MNAT1: variants seen among roughly 807,000 people sequenced by gnomAD.
MNAT1 encodes CDK-activating kinase assembly factor MAT1.
MNAT1 carries 43 observed loss-of-function variants against 42.0 expected under a neutral mutation model. The observed-to-expected ratio is 1.02, with a 90% confidence interval of 0.80 to 1.32. The LOEUF (loss-of-function observed/expected upper bound fraction) is 1.32. Among genes scored for constraint, MNAT1 ranks in the 40% most tolerant of loss-of-function variants. The pLI is 0.00. For synonymous variants in MNAT1, 118 were observed against 120.0 expected, an observed-to-expected ratio of 0.98 and a Z score of 0.11; for missense variants, 306 against 350.4, an observed-to-expected ratio of 0.87 and a Z score of 1.01.
At chr14:60,805,322 A>T (rs953473574) in intron 3 of MNAT1, among the ~76,000 whole-genome samples, 2 of 152,054 alleles carry the variant, frequency 1.3e-5, no homozygotes, top group Admixed American at 6.6e-5. Flanking sequence ...TTCCCTCTAC[A>T]TGTGCACAGT....
chr14:60,876,035 A>G (rs907099276), intron 6 of MNAT1, among the ~76,000 whole-genome samples: 4 of 148,390 alleles, frequency 2.7e-5, no homozygotes, highest in African/African-American at 7.3e-5. Context: ...TTTTACCCCC[A>G]TAGCTAAAAC....
chr14:60,959,215 C>G (rs1011169824), intron 7 of MNAT1, among the ~76,000 whole-genome samples: 1 of 152,226 alleles, frequency 6.6e-6, no homozygotes. Flanking sequence ...GCAGAGCAAG[C>G]TGCCGTGGTC....
At chr14:60,961,021 G>T (rs1345375183) in intron 7 of MNAT1, among the ~76,000 whole-genome samples, 2 of 151,802 alleles carry the variant, frequency 1.3e-5, no homozygotes, top group Non-Finnish European at 1.5e-5. Flanking sequence ...GGAGTGCAAT[G>T]GTGCGATCTC....
At chr14:60,924,174 T>TA (rs1299708121) in intron 7 of MNAT1, among the ~76,000 whole-genome samples, 1 of 152,172 alleles carries the variant, frequency 6.6e-6, no homozygotes, top group East Asian at 1.9e-4. Flanking sequence ...TGTTTGTAAA[T>TA]AAAAAACATT....
At chr14:60,907,285 T>C (rs951348788) in intron 7 of MNAT1, among the ~76,000 whole-genome samples, 2 of 151,712 alleles carry the variant, frequency 1.3e-5, no homozygotes, top group African/African-American at 4.8e-5. Flanking sequence ...ATACAAAAAT[T>C]AGCCGGGTGT....
At chr14:60,861,722 C>T (rs2034099868) in intron 6 of MNAT1, among the ~76,000 whole-genome samples, 1 of 152,122 alleles carries the variant, frequency 6.6e-6, no homozygotes, top group South Asian at 2.1e-4. Flanking sequence ...CTAGTTTGAA[C>T]CTGACTTTCA....
intron 1 of MNAT1, among the ~76,000 whole-genome samples, chr14:60,762,705 C>CAAAAA (rs33957783): frequency 1.1e-4 from 10 of 94,668 alleles, no homozygotes; most frequent in Non-Finnish European, 1.3e-4. Flanking sequence ...GACTCTGTCT[C>CAAAAA]AAAAAAAAAA....
intron 6 of MNAT1, among the ~76,000 whole-genome samples, chr14:60,822,752 A>G (rs1315270104): frequency 2.0e-5 from 3 of 151,656 alleles, no homozygotes. Context: ...GCGGGAGCCT[A>G]CTTTATTTTT....
intron 7 of MNAT1, among the ~76,000 whole-genome samples, chr14:60,938,651 T>G (rs2036065302): frequency 6.6e-6 from 1 of 152,218 alleles, no homozygotes. Flanking sequence ...TTTTTGAGAA[T>G]TTTTGTATCA....
intron 1 of MNAT1, among the ~76,000 whole-genome samples, chr14:60,738,695 C>G (rs1896380402): frequency 6.6e-6 from 1 of 152,120 alleles, no homozygotes; most frequent in Non-Finnish European, 1.5e-5. Flanking sequence ...GCCACTACCT[C>G]TGGCTAATTT....
chr14:60,887,387 C>G lies in MNAT1; in HGVS notation c.809+7552C>G, dbSNP rs181815809. 4.8e-3 allele frequency among the ~76,000 whole-genome samples: 526 copies of G among 108,838 alleles called. 2 individuals carry two copies. Among genetic ancestry groups the G allele is most frequent in the African/African-American group, 0.016 (466 of 28,916 alleles). 71.4% of individuals were successfully genotyped at this position (108,838 alleles called of 152,430 possible). On this transcript the variant is annotated intron_variant, in intron 7 of 7. Transcript: ENST00000261245. Reference sequence around the variant, plus strand: ...TATATCTCCTAATGCTATCCCTCCCCCCTCCCCCCACCCCACAACAGTCCC... The same window carrying G: ...TATATCTCCTAATGCTATCCCTCCCGCCTCCCCCCACCCCACAACAGTCCC...
At chr14:60,832,221 C>T (rs1594786096) in intron 6 of MNAT1, among the ~76,000 whole-genome samples, 2 of 152,282 alleles carry the variant, frequency 1.3e-5, no homozygotes, top group East Asian at 3.9e-4. Flanking sequence ...GTTGCCATTA[C>T]TTTTGGTGTT....
chr14:60,857,730 C>T (rs749504538), intron 6 of MNAT1, among the ~76,000 whole-genome samples: 1 of 152,050 alleles, frequency 6.6e-6, no homozygotes, highest in African/African-American at 2.4e-5. Flanking sequence ...CCCCAGCCCC[C>T]CATCCCCTGA....
chr14:60,946,861 T>C (rs2036286683), intron 7 of MNAT1, among the ~76,000 whole-genome samples: 1 of 152,220 alleles, frequency 6.6e-6, no homozygotes, highest in Non-Finnish European at 1.5e-5. Context: ...ACTCAGTGGC[T>C]TAAACAATAG....
chr14:60,966,595 C>T (rs1328875291), intron 7 of MNAT1, among the ~76,000 whole-genome samples: 1 of 152,242 alleles, frequency 6.6e-6, no homozygotes, highest in Non-Finnish European at 1.5e-5. Context: ...TCACTGCAAC[C>T]TCCACCTCCT....
intron 6 of MNAT1, among the ~76,000 whole-genome samples, chr14:60,855,372 C>G (rs2033930857): frequency 6.6e-6 from 1 of 152,116 alleles, no homozygotes; most frequent in Non-Finnish European, 1.5e-5. Context: ...AAAAAAACCT[C>G]CTGCAGCTAG....
chr14:60,966,273 C>T (rs903036530), intron 7 of MNAT1, among the ~76,000 whole-genome samples: 2 of 152,006 alleles, frequency 1.3e-5, no homozygotes, highest in African/African-American at 4.8e-5. Context: ...GCACCTGCCA[C>T]TGTGCCTGGC....
At position 60,833,991 on chromosome 14, in the gene MNAT1, A is replaced by G. The variant is rs551127781; in HGVS notation, c.687+15144A>G. Among the ~76,000 whole-genome samples, 17 of 152,222 alleles carry G rather than the reference A, an allele frequency of 1.1e-4. No individual in the cohort carries two copies. The East Asian group carries it at 1.2e-3, about 10-fold the overall frequency. On this transcript the variant is annotated intron_variant, in intron 6 of 7. Coordinates refer to ENST00000261245, the MANE Select transcript of MNAT1 (RefSeq NM_002431.4). ...GGTGTTAATAGTGTTTTCTGATGGTAGTTTGTATTTCTGTGGGATCAGTGG... is the reference window on the plus strand; with the variant it reads ...GGTGTTAATAGTGTTTTCTGATGGTGGTTTGTATTTCTGTGGGATCAGTGG...
chr14:60,907,676 C>T (rs989603685), intron 7 of MNAT1, among the ~76,000 whole-genome samples: 4 of 141,658 alleles, frequency 2.8e-5, no homozygotes, highest in Non-Finnish European at 6.1e-5. Context: ...CAGCTACTCA[C>T]GGGGCTGAGG....
Sources: allele counts gnomAD v4.1 joint callset (sites outside exome capture counted in the v4.1 genomes callset), GRCh38; gene constraint gnomAD v4.1.1; transcripts MANE v1.5; gene names NCBI Gene and HGNC (gene_info 2026-07-23, HGNC 2026-07-21).